The following NAA11 variants were observed in gnomAD, a reference collection of about 807,000 sequenced individuals.
NAA11 encodes N-alpha-acetyltransferase 11.
Under a neutral mutation model 16.1 loss-of-function variants are expected in NAA11, and 15 were observed. The observed-to-expected ratio is 0.93, with a 90% CI of 0.62 to 1.44. The LOEUF is 1.44. Among genes scored for constraint, NAA11 ranks in the 40% most tolerant of loss-of-function variants. NAA11 has a pLI of 0.00. For synonymous variants in NAA11, 122 were observed against 112.4 expected, an observed-to-expected ratio of 1.09 and a Z score of -0.54; for missense variants, 298 against 291.3, an observed-to-expected ratio of 1.02 and a Z score of -0.17.
At chr4:79,268,455 C>T (rs1263377303) in intron 2 of NAA11, among the ~76,000 whole-genome samples, 3 of 152,072 alleles carry the variant, frequency 2.0e-5, no homozygotes, top group Non-Finnish European at 4.4e-5. Flanking sequence ...CATCACCCTG[C>T]CCAAAGTTAT....
rs138740685 is a variant in NAA11 at position 79,228,254 on chromosome 4, T to C, written c.*123-1984A>G. On this transcript the variant is annotated intron_variant and NMD_transcript_variant, in intron 2 of 2. Coordinates refer to the NAA11 transcript ENST00000511542. ...ATATTGTTAATTTTTGACAGGATTT[T>C]CCAACACTAATACTAGTACTGTTAT... is the stretch of plus-strand genomic sequence containing the variant. Among the ~76,000 whole-genome samples the C allele has an allele frequency of 3.1e-3, 478 of 152,180 alleles. 3 individuals carry two copies. Among genetic ancestry groups the C allele is most frequent in the Admixed American group, 0.025 (380 of 15,260 alleles).
At chr4:79,217,336 G>C in the NAA11 span, among the ~76,000 whole-genome samples, 1 of 152,184 alleles carries the variant, frequency 6.6e-6, no homozygotes, top group African/African-American at 2.4e-5. Flanking sequence ...AGCTGTGAAA[G>C]AGCTGCCAGA....
chr4:79,169,594 C>CA, the NAA11 span, among the ~76,000 whole-genome samples: 151,162 of 152,290 alleles, frequency 0.99, 75,030 homozygotes, highest in Middle Eastern at 1. Flanking sequence ...ATACCTTATA[C>CA]AAAATTAACT....
chr4:79,167,270 T>TATAGAGAGAG, the NAA11 span, among the ~76,000 whole-genome samples: 35 of 98,484 alleles, frequency 3.6e-4, no homozygotes, highest in African/African-American at 5.9e-4. Flanking sequence ...TATATATATA[T>TATAGAGAGAG]AGAGAGAGAG....
chr4:79,179,422 T>G, the NAA11 span, among the ~76,000 whole-genome samples: 9 of 152,216 alleles, frequency 5.9e-5, no homozygotes, highest in Non-Finnish European at 8.8e-5. Context: ...GTATTTCCTT[T>G]TTGTTGTATT....
At chr4:79,212,361 T>A in the NAA11 span, among the ~76,000 whole-genome samples, 1 of 152,210 alleles carries the variant, frequency 6.6e-6, no homozygotes, top group East Asian at 1.9e-4. Context: ...TTGATACTTT[T>A]AAATCAGTTG....
chr4:79,228,456 GT>G (rs1354818710), intron 2 of NAA11, among the ~76,000 whole-genome samples: 1 of 151,966 alleles, frequency 6.6e-6, no homozygotes, highest in African/African-American at 2.4e-5. Flanking sequence ...ATATAGAACA[GT>G]TTTAATAACA....
At chr4:79,187,862 G>A in the NAA11 span, among the ~76,000 whole-genome samples, 1 of 151,900 alleles carries the variant, frequency 6.6e-6, no homozygotes, top group African/African-American at 2.4e-5. Flanking sequence ...AGCCGGGCAC[G>A]GTGGCGGGCG....
the NAA11 span, among the ~76,000 whole-genome samples, chr4:79,158,698 G>GATATATATATATATATATAT: frequency 1.4e-3 from 153 of 112,060 alleles, 3 homozygotes; most frequent in South Asian, 4.1e-3. Flanking sequence ...CACATTACCT[G>GATATATATATATATATATAT]ATATATATAT....
chr4:79,222,383 A>G (rs1721211250), downstream of NAA11, among the ~76,000 whole-genome samples: 1 of 151,980 alleles, frequency 6.6e-6, no homozygotes, highest in Non-Finnish European at 1.5e-5. Flanking sequence ...GAGAAAAACA[A>G]GCAATGGGGA....
chr4:79,256,651 AATAT>A (rs34533882), intron 2 of NAA11, among the ~76,000 whole-genome samples: 2 of 130,768 alleles, frequency 1.5e-5, no homozygotes, highest in Non-Finnish European at 3.2e-5. Context: ...TATAAATATA[AATAT>A]ATATATATAT....
intron 2 of NAA11, among the ~76,000 whole-genome samples, chr4:79,248,252 A>G (rs1230097991): frequency 1.3e-5 from 2 of 151,938 alleles, no homozygotes; most frequent in Admixed American, 6.5e-5. Flanking sequence ...CGGCCTCCCC[A>G]CTGACATTCA....
chr4:79,289,438 A>G (rs892421236), intron 2 of NAA11, among the ~76,000 whole-genome samples: 2 of 152,242 alleles, frequency 1.3e-5, no homozygotes, highest in African/African-American at 2.4e-5. Flanking sequence ...GAAAACTACG[A>G]ATAGCCATTA....
At chr4:79,239,839 T>C in intron 2 of NAA11, among the ~76,000 whole-genome samples, 1 of 152,204 alleles carries the variant, frequency 6.6e-6, no homozygotes, top group East Asian at 1.9e-4. Flanking sequence ...TAGTGGTCAG[T>C]CATCTAGATT....
At chr4:79,213,295 A>C in the NAA11 span, among the ~76,000 whole-genome samples, 22 of 152,152 alleles carry the variant, frequency 1.4e-4, no homozygotes, top group Admixed American at 1.4e-3. Context: ...AGGCAAGTAC[A>C]TGTGGATCAG....
chr4:79,173,686 G>C, the NAA11 span, among the ~76,000 whole-genome samples: 2 of 152,078 alleles, frequency 1.3e-5, no homozygotes, highest in Non-Finnish European at 2.9e-5. Flanking sequence ...ATATTCTCGT[G>C]GGGGAGAACA....
downstream of NAA11, among the ~76,000 whole-genome samples, chr4:79,313,741 T>TA (rs1278840352): frequency 2.6e-5 from 4 of 152,136 alleles, no homozygotes; most frequent in Non-Finnish European, 5.9e-5. Flanking sequence ...AGTATTAATA[T>TA]AAAAAAGGAC....
chr4:79,207,467 C>A, the NAA11 span, among the ~76,000 whole-genome samples: 10 of 151,382 alleles, frequency 6.6e-5, no homozygotes, highest in East Asian at 2.0e-3. Flanking sequence ...ATTGCATGCA[C>A]ACAAGAGGCC....
At chr4:79,237,175 C>T (rs1162847343) in intron 2 of NAA11, among the ~76,000 whole-genome samples, 1 of 152,104 alleles carries the variant, frequency 6.6e-6, no homozygotes, top group Non-Finnish European at 1.5e-5. Flanking sequence ...CCAAAATTTA[C>T]TGTATATCAG....
Sources: gnomAD v4.1 joint callset for allele counts (sites outside exome capture counted in the v4.1 genomes callset) on GRCh38, gnomAD v4.1.1 for gene constraint, MANE v1.5 for transcripts, NCBI Gene and HGNC (gene_info 2026-07-23, HGNC 2026-07-21) for gene names.